Variants in ROBO1 observed in about 807,000 individuals in gnomAD.
ROBO1 encodes roundabout homolog 1.
ROBO1 carries 149 observed loss-of-function variants against 195.9 expected under a neutral mutation model. The ratio of observed to expected loss-of-function variants is 0.76; its 90% CI spans 0.67 to 0.87. ROBO1 has a LOEUF of 0.87. Among genes scored for constraint, ROBO1 ranks in the 40% least tolerant of loss-of-function variants. The pLI is 0.00. For synonymous variants in ROBO1, 816 were observed against 733.2 expected (o/e 1.11, Z -1.82); for missense variants, 1,933 against 2,068.3 (o/e 0.93, Z 1.27).
chr3:78,617,892 T>G lies in ROBO1; in HGVS notation c.4025A>C (p.Gln1342Pro). Residue 1342 changes from glutamine (Q) to proline (P), a missense_variant, in exon 27 of 31, where the codon CAA becomes CCA. This residue lies in a region of ROBO1 where 1,737 missense variants were observed against 1,882.5 expected (regional missense o/e 0.92). Coordinates refer to ENST00000464233, the MANE Select transcript of ROBO1 (RefSeq NM_002941.4). ...CCCACGTAACAAAAGCCTTCTGGTTTGCATCTTGGCTACCTCCATGTCGGC... is the reference window on the plus strand; with the variant it reads ...CCCACGTAACAAAAGCCTTCTGGTTGGCATCTTGGCTACCTCCATGTCGGC... ...DEADMEVAKM[Q>P]TRRLLLRGLE... 6.2e-7 allele frequency: 1 copy of G among 1,614,010 alleles called. No homozygotes were observed. Among genetic ancestry groups the G allele is most frequent in the Non-Finnish European group, 8.5e-7 (1 of 1,179,886 alleles).
intron 4 of ROBO1, among the ~76,000 whole-genome samples, chr3:78,755,082 A>G (rs2082894551): frequency 6.6e-6 from 1 of 152,206 alleles, no homozygotes; most frequent in Non-Finnish European, 1.5e-5. Flanking sequence ...ATGAGAAGCC[A>G]CTGGAGTCTT....
intron 8 of ROBO1, among the ~76,000 whole-genome samples, chr3:78,701,960 A>G (rs1334861485): frequency 6.6e-6 from 1 of 152,220 alleles, no homozygotes; most frequent in African/African-American, 2.4e-5. Flanking sequence ...GAAACAGTTT[A>G]AAAGCAAATT....
chr3:79,024,950 A>G (rs1265848863), intron 3 of ROBO1, among the ~76,000 whole-genome samples: 1 of 152,194 alleles, frequency 6.6e-6, no homozygotes, highest in Non-Finnish European at 1.5e-5. Flanking sequence ...GAGACAGATT[A>G]TGCCTCTCCT....
chr3:79,309,776 T>C (rs1191688496), intron 2 of ROBO1, among the ~76,000 whole-genome samples: 1 of 152,188 alleles, frequency 6.6e-6, no homozygotes, highest in African/African-American at 2.4e-5. Context: ...TAAATGAGCA[T>C]ACCACTTTCA....
Position 78,662,079 on chromosome 3 carries a change from G to C in ROBO1, c.2002C>G (p.Gln668Glu). Residue 668 changes from glutamine to glutamate, a missense_variant, in exon 15 of 31, where the codon CAG becomes GAG. Physicochemically the swap from Gln to Glu is conservative, Grantham distance 29. This residue lies in a region of ROBO1 where 1,737 missense variants were observed against 1,882.5 expected (regional missense o/e 0.92). Coordinates refer to ENST00000464233, the MANE Select transcript of ROBO1 (RefSeq NM_002941.4). ...LPTSQGVDHK[Q>E]VQRELGNAVL... The stretch of plus-strand genomic sequence containing the variant: ...GCATTTCCCAGCTCTCTCTGGACCT[G>C]CTTGTGGTCCACCCCCTGACTTGTT... 2 of 1,575,726 alleles carry C rather than the reference G, an allele frequency of 1.3e-6. No homozygotes were observed. Among genetic ancestry groups the C allele is most frequent in the Non-Finnish European group, 1.7e-6 (2 of 1,159,556 alleles).
chr3:79,377,324 C>T (rs1180711041), intron 2 of ROBO1, among the ~76,000 whole-genome samples: 2 of 152,170 alleles, frequency 1.3e-5, no homozygotes, highest in Non-Finnish European at 2.9e-5. Context: ...AATTTAACAG[C>T]TTTTCTCCAA....
intron 1 of ROBO1, among the ~76,000 whole-genome samples, chr3:79,718,448 C>T (rs546052191): frequency 1.7e-4 from 26 of 151,866 alleles, no homozygotes; most frequent in Non-Finnish European, 3.4e-4. Context: ...GGATAAATAA[C>T]TATAAACTAT....
chr3:78,768,693 C>A (rs1050694485), intron 4 of ROBO1, among the ~76,000 whole-genome samples: 2 of 151,434 alleles, frequency 1.3e-5, no homozygotes, highest in Non-Finnish European at 2.9e-5. Context: ...GGTACATGTG[C>A]ACATTGTGCA....
intron 3 of ROBO1, among the ~76,000 whole-genome samples, chr3:79,087,276 T>C (rs2079388202): frequency 6.6e-6 from 1 of 152,116 alleles, no homozygotes; most frequent in African/African-American, 2.4e-5. Flanking sequence ...TTAGAAATTA[T>C]AATGTCTTGA....
At chr3:78,837,033 G>T (rs1277179046) in intron 4 of ROBO1, among the ~76,000 whole-genome samples, 1 of 152,008 alleles carries the variant, frequency 6.6e-6, no homozygotes, top group East Asian at 1.9e-4. Context: ...TAATTATATT[G>T]TAAAAAGTGT....
intron 2 of ROBO1, among the ~76,000 whole-genome samples, chr3:79,488,268 T>G (rs1234917586): frequency 6.6e-6 from 1 of 152,172 alleles, no homozygotes; most frequent in Non-Finnish European, 1.5e-5. Context: ...TATCCAATAT[T>G]CTCTGTCTCT....
rs1316374383 is a variant in ROBO1 at position 78,670,281 on chromosome 3, G to A, written c.1363C>T (p.Pro455Ser). ...TTCACAGGACCTTGTCGAATAACTG[G>A]GGGAGGCCGATCTGCAATCACTGCC... ...VTDVIADRPP[P>S]VIRQGPVNQT... The change falls in exon 11 of 31, where the codon CCA becomes TCA. Residue 455 changes from proline to serine, a missense_variant. Physicochemically the swap from Pro to Ser is moderately conservative, Grantham distance 74. Transcript: ENST00000464233. 6.4e-7 allele frequency: 1 copy of A among 1,567,366 alleles called. No homozygotes were observed. Among genetic ancestry groups the A allele is most frequent in the African/African-American group, 1.4e-5 (1 of 73,814 alleles).
chr3:78,711,376 TTC>T (rs2081714276), intron 8 of ROBO1, among the ~76,000 whole-genome samples: 56 of 28,916 alleles, frequency 1.9e-3, no homozygotes, highest in Admixed American at 3.2e-3. Context: ...CCTTCCTTCC[TTC>T]CTTCCTTCCT....
chr3:79,048,980 C>T (rs1378190062), intron 3 of ROBO1, among the ~76,000 whole-genome samples: 1 of 152,096 alleles, frequency 6.6e-6, no homozygotes, highest in African/African-American at 2.4e-5. Flanking sequence ...AAAACCAGAG[C>T]ACCTCTTCTC....
intron 2 of ROBO1, among the ~76,000 whole-genome samples, chr3:79,523,161 CCACA>C (rs139825740): frequency 0.13 from 19,036 of 146,222 alleles, 2,217 homozygotes; most frequent in African/African-American, 0.31. Context: ...GCTTCATAAA[CCACA>C]CACACACACA....
At chr3:79,764,916 A>T (rs1704902392) in intron 1 of ROBO1, among the ~76,000 whole-genome samples, 1 of 151,882 alleles carries the variant, frequency 6.6e-6, no homozygotes, top group African/African-American at 2.4e-5. Flanking sequence ...AACCTTTGGG[A>T]CTCCCTAGGC....
intron 2 of ROBO1, among the ~76,000 whole-genome samples, chr3:79,360,405 A>AT (rs892751766): frequency 7.9e-5 from 12 of 151,902 alleles, no homozygotes; most frequent in African/African-American, 2.9e-4. Flanking sequence ...TTTATGAAGA[A>AT]TTTTTTTGTA....
chr3:78,603,437 T>C (rs1342259982), intron 29 of ROBO1, among the ~76,000 whole-genome samples: 2 of 152,178 alleles, frequency 1.3e-5, no homozygotes, highest in Admixed American at 1.3e-4. Context: ...AAAATATCTA[T>C]GAATTTATAG....
intron 26 of ROBO1, among the ~76,000 whole-genome samples, chr3:78,621,984 C>T (rs1345247068): frequency 6.6e-6 from 1 of 152,122 alleles, no homozygotes; most frequent in Non-Finnish European, 1.5e-5. Context: ...ATTAATCAAA[C>T]AAGTAAATGT....
Sources: allele counts gnomAD v4.1 joint callset (sites outside exome capture counted in the v4.1 genomes callset), GRCh38; gene constraint gnomAD v4.1.1; regional missense constraint gnomAD v4.1.1; transcripts MANE v1.5; gene names NCBI Gene and HGNC (gene_info 2026-07-23, HGNC 2026-07-21).